ZNF570: variants seen among roughly 807,000 people sequenced by gnomAD.
ZNF570 encodes the protein zinc finger protein 570.
In ZNF570, 8 loss-of-function variants were observed where a neutral mutation model predicts 14.2. The ratio of observed to expected loss-of-function variants is 0.56; its 90% CI spans 0.33 to 1.02. The LOEUF (loss-of-function observed/expected upper bound fraction) is 1.02. ZNF570 is among the 50% of genes least tolerant of loss of function. ZNF570 has a pLI of 0.03. For missense variants in ZNF570, 559 were observed against 624.9 expected, an observed-to-expected ratio of 0.89 and a Z score of 1.12; for synonymous variants, 202 against 207.6, an observed-to-expected ratio of 0.97 and a Z score of 0.23.
At chr19:37,470,838 G>A (rs996222072) in intron 2 of ZNF570, among the ~76,000 whole-genome samples, 3 of 142,784 alleles carry the variant, frequency 2.1e-5, no homozygotes, top group Non-Finnish European at 3.1e-5. Flanking sequence ...TAGCTGGGAC[G>A]ATAGGTGTGC....
chr19:37,480,308 AC>A (rs1468226309), intron 4 of ZNF570, among the ~76,000 whole-genome samples: 1 of 151,948 alleles, frequency 6.6e-6, no homozygotes, highest in African/African-American at 2.4e-5. Flanking sequence ...ACATGGTGAA[AC>A]CCCGTCTCTA....
At chr19:37,469,018 G>A (rs922606297), upstream of ZNF570, 4 of 981,970 alleles carry the variant, frequency 4.1e-6, no homozygotes, top group South Asian at 9.3e-5. Context: ...TCAACTCCCC[G>A]CCCTGGTTGC....
chr19:37,470,866 AT>A (rs1347493844), intron 2 of ZNF570, among the ~76,000 whole-genome samples: 2 of 150,104 alleles, frequency 1.3e-5, no homozygotes, highest in Non-Finnish European at 3.0e-5. Context: ...CGCCCAGCTA[AT>A]TTTTGTATTT....
intron 4 of ZNF570, among the ~76,000 whole-genome samples, chr19:37,477,288 C>T (rs1600382139): frequency 8.7e-6 from 1 of 115,430 alleles, no homozygotes; most frequent in African/African-American, 3.4e-5. Context: ...GGGAGGTTGT[C>T]GTGTGTGTGT....
chr19:37,483,867 A>T lies in ZNF570; in HGVS notation c.257-12A>T, dbSNP rs1309078963. ...AATAGAGGAGACATTTTTTCTTATTATTACTTTTCAGGCTGGGAGCCTATA... is the reference window on the plus strand; with the variant it reads ...AATAGAGGAGACATTTTTTCTTATTTTTACTTTTCAGGCTGGGAGCCTATA... On this transcript the variant is annotated splice_polypyrimidine_tract_variant and intron_variant, in intron 4 of 4. Transcript: ENST00000330173. The T allele has an allele frequency of 1.1e-5, 17 of 1,569,382 alleles. No individual in the cohort carries two copies. The Admixed American group carries it at 2.4e-4, about 22-fold the overall frequency.
chr19:37,483,930 A>C lies in ZNF570; in HGVS notation c.308A>C (p.Tyr103Ser). ...GAATTAACCCCAAAGCAGGATTTTT[A>C]TGAAGAACATCAATCCCAGAAGATA... ...TEELTPKQDF[Y>S]EEHQSQKIIE... The change falls in exon 5 of 5, where the codon TAT becomes TCT. Residue 103 changes from tyrosine (Y) to serine (S), a missense_variant. Tyr to Ser is a moderately radical substitution (Grantham distance 144). Transcript: ENST00000330173. The C allele has an allele frequency of 6.2e-7, 1 of 1,613,288 alleles. No homozygotes were observed.
intron 4 of ZNF570, among the ~76,000 whole-genome samples, chr19:37,482,020 A>C (rs563296580): frequency 2.0e-4 from 31 of 152,340 alleles, no homozygotes; most frequent in African/African-American, 6.7e-4. Flanking sequence ...TATAAGTGGA[A>C]TCATACAGTA....
At chr19:37,469,005 T>C (rs2041903324), upstream of ZNF570, 2 of 972,634 alleles carry the variant, frequency 2.1e-6, no homozygotes, top group Admixed American at 6.1e-5. Flanking sequence ...CAACCTGCGA[T>C]TCTCAACTCC....
At chr19:37,481,113 G>A (rs1461999680) in intron 4 of ZNF570, among the ~76,000 whole-genome samples, 1 of 151,480 alleles carries the variant, frequency 6.6e-6, no homozygotes, top group African/African-American at 2.4e-5. Context: ...TAGTTTTGCT[G>A]TCATGCATAG....
intron 4 of ZNF570, among the ~76,000 whole-genome samples, chr19:37,478,833 G>C (rs1249601693): frequency 6.6e-6 from 1 of 151,132 alleles, no homozygotes; most frequent in African/African-American, 2.4e-5. Flanking sequence ...TTCAAATGTT[G>C]AACCAACATT....
At chr19:37,481,952 A>G (rs1220476657) in intron 4 of ZNF570, among the ~76,000 whole-genome samples, 1 of 152,180 alleles carries the variant, frequency 6.6e-6, no homozygotes, top group Non-Finnish European at 1.5e-5. Flanking sequence ...TTTTTGTACC[A>G]GGAAGATTTG....
chr19:37,471,493 C>T (rs558863512), intron 2 of ZNF570, among the ~76,000 whole-genome samples: 2 of 152,304 alleles, frequency 1.3e-5, no homozygotes, highest in South Asian at 2.1e-4. Flanking sequence ...GTCTTAGTCC[C>T]TCATCCTGTT....
intron 3 of ZNF570, 99 bp downstream of exon 3, chr19:37,476,106 A>G: frequency 6.7e-7 from 1 of 1,492,354 alleles, no homozygotes; most frequent in Admixed American, 2.2e-5. Flanking sequence ...ATTTGGCTGA[A>G]TGTCTGCTGC....
intron 2 of ZNF570, among the ~76,000 whole-genome samples, chr19:37,470,695 CTTTTTTTTTTTT>C (rs760686313): frequency 4.3e-5 from 4 of 93,010 alleles, no homozygotes; most frequent in Admixed American, 1.3e-4. Flanking sequence ...CTTATTTATT[CTTTTTTTTTTTT>C]TTTTTTTTTT....
At chr19:37,477,429 T>A (rs935727710) in intron 4 of ZNF570, among the ~76,000 whole-genome samples, 34 of 150,418 alleles carry the variant, frequency 2.3e-4, no homozygotes, top group Admixed American at 2.1e-3. Context: ...AACCTCTGCC[T>A]CCTGGGTTCA....
At chr19:37,470,720 G>C (rs949589818) in intron 2 of ZNF570, among the ~76,000 whole-genome samples, 5 of 17,872 alleles carry the variant, frequency 2.8e-4, no homozygotes, top group African/African-American at 1.1e-3. Context: ...TTTTTTTTTT[G>C]AGACAGAGTC....
At chr19:37,469,106 G>A (rs2041905767), upstream of ZNF570, 1 of 1,050,008 alleles carries the variant, frequency 9.5e-7, no homozygotes, top group African/African-American at 1.7e-5. Context: ...CCCCGTCCCT[G>A]TGACCGGGCC....
In ZNF570 at chr19:37,484,202, A is replaced by G. The variant is rs750150222; in HGVS notation, c.580A>G (p.Thr194Ala). ...AGAGGAGAAAGTACATAAACATGAC[A>G]CACAAAAGAGAAGCTTTAAAAAAAA... ...PKEEKVHKHD[T>A]QKRSFKKNLM... Residue 194 changes from threonine to alanine, a missense_variant, in exon 5 of 5, where the codon ACA (threonine) becomes GCA (alanine). Thr to Ala is a moderately conservative substitution (Grantham distance 58). Transcript: ENST00000330173. The G allele has an allele frequency of 6.2e-7, 1 of 1,614,028 alleles. No homozygotes were observed. The highest frequency in any genetic ancestry group is 2.2e-5 in the East Asian group (1 of 44,866).
In ZNF570 at chr19:37,487,387, CAAAT is replaced by C. The variant is rs1308262218; in HGVS notation, c.*2157_*2160del. 6.6e-6 allele frequency: 1 copy of C among 151,784 alleles called. No homozygotes were observed. The highest frequency in any genetic ancestry group is 1.5e-5 in the Non-Finnish European group (1 of 67,988). The allele number at this position is 151,784 out of a possible 1,614,324, so 9.4% of individuals were successfully genotyped here. On this transcript the variant is annotated 3_prime_UTR_variant, in exon 5 of 5. Coordinates refer to ENST00000330173, the MANE Select transcript of ZNF570 (RefSeq NM_144694.5). ...TAAGGGAAGAAAACAGATAGATACACAAATAATATAGGCATTCATTCTGTTAATA... is the reference window on the plus strand; with the variant it reads ...TAAGGGAAGAAAACAGATAGATACACAATATAGGCATTCATTCTGTTAATA...
Sources: allele counts gnomAD v4.1 joint callset (sites outside exome capture counted in the v4.1 genomes callset), GRCh38; gene constraint gnomAD v4.1.1; transcripts MANE v1.5; gene names NCBI Gene and HGNC (gene_info 2026-07-23, HGNC 2026-07-21).